Variants in CFAP61 observed in about 807,000 individuals in gnomAD.
CFAP61 encodes the protein cilia and flagella associated protein 61.
Under a neutral mutation model 135.6 loss-of-function variants are expected in CFAP61, and 107 were observed. That is an observed-to-expected ratio of 0.79 (90% confidence interval 0.67 to 0.93). CFAP61 has a LOEUF of 0.93. Ranked by LOEUF, CFAP61 falls within the 40% of genes least tolerant of loss-of-function variation. The pLI, the probability that CFAP61 is intolerant of heterozygous loss-of-function variation, is 0.00. For missense variants in CFAP61, 1,507 were observed against 1,556.2 expected (o/e 0.97, Z 0.53); for synonymous variants, 575 against 578.5 (o/e 0.99, Z 0.09).
chr20:20,121,935 T>C (rs74931934), intron 8 of CFAP61, among the ~76,000 whole-genome samples: 1 of 145,018 alleles, frequency 6.9e-6, no homozygotes, highest in Non-Finnish European at 1.5e-5. Context: ...TCATTGCTTC[T>C]TTTTTTTTTT....
intron 8 of CFAP61, among the ~76,000 whole-genome samples, chr20:20,127,641 G>A (rs561295125): frequency 2.7e-4 from 41 of 151,620 alleles, no homozygotes; most frequent in African/African-American, 8.8e-4. Flanking sequence ...TGGTGGGGTC[G>A]GGGTGGGGGT....
intron 9 of CFAP61, among the ~76,000 whole-genome samples, chr20:20,155,862 G>A (rs1471586071): frequency 6.6e-6 from 1 of 152,164 alleles, no homozygotes; most frequent in East Asian, 1.9e-4. Context: ...ACAGCATGGA[G>A]ATTCCTTAAA....
chr20:20,052,612 T>A, intron 1 of CFAP61, 21 bp downstream of exon 1: 1 of 1,613,712 alleles, frequency 6.2e-7, no homozygotes, highest in Non-Finnish European at 8.5e-7. Flanking sequence ...CCGTGCTGAC[T>A]AGCAGCGACG....
intron 13 of CFAP61, among the ~76,000 whole-genome samples, chr20:20,184,382 A>C (rs1430650706): frequency 1.3e-5 from 2 of 152,208 alleles, no homozygotes; most frequent in African/African-American, 2.4e-5. Context: ...GAGCAAATAG[A>C]CCAACACTGC....
At chr20:20,321,546 C>T (rs2057514859) in intron 25 of CFAP61, among the ~76,000 whole-genome samples, 1 of 152,152 alleles carries the variant, frequency 6.6e-6, no homozygotes, top group Non-Finnish European at 1.5e-5. Context: ...GGACAAAGGG[C>T]AGAGATAAGA....
At chr20:20,085,461 G>A in intron 6 of CFAP61, 1 of 1,366,170 alleles carries the variant, frequency 7.3e-7, no homozygotes, top group Non-Finnish European at 9.8e-7. Context: ...TTTTGGGAAA[G>A]GGCTTAAGAG....
chr20:20,154,049 A>ACC (rs2052674497), intron 9 of CFAP61, among the ~76,000 whole-genome samples: 1 of 152,020 alleles, frequency 6.6e-6, no homozygotes, highest in Non-Finnish European at 1.5e-5. Context: ...TGCAGGGTTT[A>ACC]ACATATACAA....
intron 7 of CFAP61, among the ~76,000 whole-genome samples, chr20:20,092,183 A>C (rs2047249982): frequency 6.6e-6 from 1 of 152,254 alleles, no homozygotes. Flanking sequence ...AGTACAGGTC[A>C]GTTATTTTGT....
rs184310769 is a variant in CFAP61, at chr20:20,328,243, A to G, written c.3423-13588A>G. On this transcript the variant is annotated intron_variant, in intron 25 of 26. Transcript: ENST00000245957. ...TAGCAACATGCCAATTCATGTTTTA[A>G]ACATTCCCCATATGCTATATGGGGA... Among the ~76,000 whole-genome samples the G allele has an allele frequency of 5.9e-4, 90 of 152,264 alleles. No individual in the cohort carries two copies. In the East Asian group the frequency reaches 0.017, roughly 29 times the overall value.
At chr20:20,152,218 C>A (rs2052498523) in intron 9 of CFAP61, among the ~76,000 whole-genome samples, 1 of 152,078 alleles carries the variant, frequency 6.6e-6, no homozygotes, top group Middle Eastern at 3.4e-3. Context: ...AAAAAAAGTT[C>A]TAAATCTTGA....
At chr20:20,276,243 A>G (rs1056065180) in intron 21 of CFAP61, among the ~76,000 whole-genome samples, 2 of 152,228 alleles carry the variant, frequency 1.3e-5, no homozygotes, top group Non-Finnish European at 2.9e-5. Flanking sequence ...ATTCCTTTTC[A>G]TATTATTTCA....
At chr20:20,181,441 C>T (rs2055094197) in intron 13 of CFAP61, among the ~76,000 whole-genome samples, 1 of 151,886 alleles carries the variant, frequency 6.6e-6, no homozygotes, top group East Asian at 1.9e-4. Context: ...TCCTTGAGGT[C>T]AAAGTCAGCC....
intron 20 of CFAP61, 65 bp from the exon 21 acceptor site, chr20:20,262,891 T>G (rs1224205879): frequency 2.9e-6 from 3 of 1,032,892 alleles, no homozygotes; most frequent in Non-Finnish European, 4.1e-6. Context: ...TACTTTTTTT[T>G]TTTTAACCAC....
intron 22 of CFAP61, among the ~76,000 whole-genome samples, chr20:20,280,810 A>T (rs2054148818): frequency 6.6e-6 from 1 of 152,214 alleles, no homozygotes; most frequent in Admixed American, 6.5e-5. Flanking sequence ...TCTCCAAAGT[A>T]GCTATACCAT....
At chr20:20,268,033 G>T (rs756616509) in intron 21 of CFAP61, among the ~76,000 whole-genome samples, 6 of 152,234 alleles carry the variant, frequency 3.9e-5, no homozygotes, top group Non-Finnish European at 5.9e-5. Context: ...TTGAAAAGTC[G>T]CATGGAGCCA....
intron 26 of CFAP61, among the ~76,000 whole-genome samples, chr20:20,343,460 G>A (rs2058520590): frequency 6.6e-6 from 1 of 152,238 alleles, no homozygotes; most frequent in African/African-American, 2.4e-5. Flanking sequence ...CTGGGTGGCT[G>A]AATGCCCAAG....
At chr20:20,052,713 C>G (rs1364697059) in intron 1 of CFAP61, 122 bp downstream of exon 1, 5 of 1,608,662 alleles carry the variant, frequency 3.1e-6, no homozygotes, top group Non-Finnish European at 4.2e-6. Flanking sequence ...CTCTGTCGAG[C>G]CGTGGCGCCC....
intron 9 of CFAP61, among the ~76,000 whole-genome samples, chr20:20,148,542 G>A (rs910335864): frequency 1.3e-5 from 2 of 151,332 alleles, no homozygotes; most frequent in Admixed American, 6.6e-5. Flanking sequence ...GTTTGTGTCT[G>A]TTGTAAAAGG....
chr20:20,237,762 G>C (rs966347623), intron 18 of CFAP61, among the ~76,000 whole-genome samples: 5 of 152,172 alleles, frequency 3.3e-5, no homozygotes, highest in African/African-American at 1.2e-4. Flanking sequence ...AGTTGGTTTG[G>C]ATAAGGATGC....
Sources: allele counts gnomAD v4.1 joint callset (sites outside exome capture counted in the v4.1 genomes callset), GRCh38; gene constraint gnomAD v4.1.1; transcripts MANE v1.5; gene names NCBI Gene and HGNC (gene_info 2026-07-23, HGNC 2026-07-21).